ERC2: variants seen among roughly 807,000 people sequenced by gnomAD.
The protein encoded by ERC2 is ERC protein 2.
Under a neutral mutation model 114.8 loss-of-function variants are expected in ERC2, and 42 were observed. That is an observed-to-expected ratio of 0.37 (90% CI 0.29 to 0.47). ERC2 has a LOEUF of 0.47. Ranked by LOEUF, ERC2 falls within the 20% of genes least tolerant of loss-of-function variation. The pLI, the probability that ERC2 is intolerant of heterozygous loss-of-function variation, is 0.99. For missense variants in ERC2, 939 were observed against 1,150.7 expected (o/e 0.82, Z 2.66); for synonymous variants, 454 against 425.5 (o/e 1.07, Z -0.82).
intron 14 of ERC2, among the ~76,000 whole-genome samples, chr3:55,844,942 A>G (rs1196406781): frequency 6.6e-6 from 1 of 152,182 alleles, no homozygotes; most frequent in African/African-American, 2.4e-5. Context: ...CAGACCAGTG[A>G]GGGGGTAGTT....
chr3:55,858,754 C>T (rs1207640779), intron 14 of ERC2, among the ~76,000 whole-genome samples: 1 of 152,208 alleles, frequency 6.6e-6, no homozygotes, highest in Non-Finnish European at 1.5e-5. Context: ...AGGCGCATCA[C>T]ATAGCTGACA....
chr3:56,307,794 A>G (rs967141238), intron 2 of ERC2, among the ~76,000 whole-genome samples: 2 of 151,352 alleles, frequency 1.3e-5, no homozygotes, highest in African/African-American at 2.4e-5. Flanking sequence ...ATTGTCATGT[A>G]TCATATAATC....
chr3:55,994,054 C>T (rs1326566823), intron 10 of ERC2, among the ~76,000 whole-genome samples: 1 of 152,106 alleles, frequency 6.6e-6, no homozygotes, highest in Non-Finnish European at 1.5e-5. Context: ...ATTTAAAATA[C>T]ACAGCTTTTA....
chr3:56,086,742 A>C (rs2077525096), intron 6 of ERC2, among the ~76,000 whole-genome samples: 2 of 152,158 alleles, frequency 1.3e-5, no homozygotes, highest in South Asian at 4.1e-4. Context: ...GGTATCAATG[A>C]CTGAAATTAA....
At chr3:55,889,767 G>A (rs984034704) in intron 13 of ERC2, among the ~76,000 whole-genome samples, 12 of 152,160 alleles carry the variant, frequency 7.9e-5, no homozygotes, top group African/African-American at 2.9e-4. Context: ...GAACTTGGCA[G>A]AATAGGCTCA....
chr3:56,249,022 G>C (rs1380556863), intron 3 of ERC2, among the ~76,000 whole-genome samples: 1 of 152,222 alleles, frequency 6.6e-6, no homozygotes, highest in Admixed American at 6.5e-5. Context: ...TTAATGCAAA[G>C]TATAGTAACT....
At chr3:56,200,904 G>A (rs991335) in intron 3 of ERC2, among the ~76,000 whole-genome samples, 46,010 of 152,076 alleles carry the variant, frequency 0.3, 8,531 homozygotes, top group Middle Eastern at 0.43. Flanking sequence ...TATGACAGCC[G>A]GTTGTTAAAC....
chr3:55,920,791 G>A (rs542309750), intron 13 of ERC2, among the ~76,000 whole-genome samples: 29 of 152,224 alleles, frequency 1.9e-4, no homozygotes, highest in African/African-American at 6.7e-4. Context: ...GACAATAATT[G>A]TATGGCATTC....
At chr3:56,061,499 T>A (rs2076243563) in intron 7 of ERC2, among the ~76,000 whole-genome samples, 1 of 152,140 alleles carries the variant, frequency 6.6e-6, no homozygotes, top group Admixed American at 6.5e-5. Context: ...ATGTCCTTGA[T>A]CATAGAGACT....
intron 1 of ERC2, among the ~76,000 whole-genome samples, chr3:56,455,726 T>C (rs1043744622): frequency 2.0e-5 from 3 of 152,232 alleles, no homozygotes; most frequent in South Asian, 2.1e-4. Context: ...ATTATCCACC[T>C]TTTTTATAGA....
intron 14 of ERC2, among the ~76,000 whole-genome samples, chr3:55,870,374 A>C (rs1399569660): frequency 6.6e-6 from 1 of 152,176 alleles, no homozygotes; most frequent in Non-Finnish European, 1.5e-5. Context: ...CATACCCGGC[A>C]GGGTAGACTT....
chr3:56,173,596 A>C, intron 3 of ERC2, 76 bp from the exon 4 acceptor site: 2 of 1,376,010 alleles, frequency 1.5e-6, no homozygotes, highest in Non-Finnish European at 2.0e-6. Flanking sequence ...CAGGTACTAC[A>C]CAGCCTGCTG....
intron 17 of ERC2, among the ~76,000 whole-genome samples, chr3:55,528,351 C>G (rs2053461303): frequency 6.6e-6 from 1 of 152,184 alleles, no homozygotes; most frequent in South Asian, 2.1e-4. Flanking sequence ...CCCCACTGGG[C>G]TTTCTGCCTG....
chr3:56,408,594 C>G lies in ERC2; in HGVS notation c.657+25757G>C, dbSNP rs543178210. Among the ~76,000 whole-genome samples the G allele has an allele frequency of 4.1e-4, 63 of 152,300 alleles. 1 individual carries two copies. In the South Asian group the frequency reaches 0.013, roughly 32 times the overall value. ...ATCCATTCAAAATAAATGTACTGAA[C>G]AGTCCCTGGTATAAGAGGGACATTC... On this transcript the variant is annotated intron_variant, in intron 2 of 17. Coordinates refer to ENST00000288221, the MANE Select transcript of ERC2 (RefSeq NM_015576.3).
At chr3:56,176,906 G>A (rs1018281747) in intron 3 of ERC2, among the ~76,000 whole-genome samples, 2 of 152,182 alleles carry the variant, frequency 1.3e-5, no homozygotes, top group African/African-American at 4.8e-5. Context: ...GGTTAGAAAT[G>A]AGCAACGCGA....
At chr3:56,093,507 T>A (rs1166984696) in intron 6 of ERC2, among the ~76,000 whole-genome samples, 1 of 152,122 alleles carries the variant, frequency 6.6e-6, no homozygotes, top group African/African-American at 2.4e-5. Flanking sequence ...GGAAACTGGA[T>A]CTTCACACAA....
At chr3:56,401,605 T>C (rs1239638738) in intron 2 of ERC2, among the ~76,000 whole-genome samples, 5 of 152,200 alleles carry the variant, frequency 3.3e-5, no homozygotes, top group Admixed American at 3.3e-4. Context: ...TATATATATC[T>C]ACATGAATCT....
intron 7 of ERC2, among the ~76,000 whole-genome samples, chr3:56,062,585 C>T (rs527849895): frequency 4.1e-4 from 63 of 152,294 alleles, no homozygotes; most frequent in African/African-American, 1.4e-3. Context: ...ACAAGAAGCG[C>T]TCATTTCTTT....
intron 2 of ERC2, among the ~76,000 whole-genome samples, chr3:56,341,938 A>G (rs918241960): frequency 3.9e-5 from 6 of 152,180 alleles, no homozygotes; most frequent in African/African-American, 1.2e-4. Context: ...CATGCTGCCC[A>G]CCAAGCCAGA....
Sources: allele counts gnomAD v4.1 joint callset (sites outside exome capture counted in the v4.1 genomes callset), GRCh38; gene constraint gnomAD v4.1.1; transcripts MANE v1.5; gene names NCBI Gene and HGNC (gene_info 2026-07-23, HGNC 2026-07-21).